AUTS2: variants seen among roughly 807,000 people sequenced by gnomAD.
The protein encoded by AUTS2 is autism susceptibility gene 2 protein.
AUTS2 carries 17 observed loss-of-function variants against 112.4 expected under a neutral mutation model. The ratio of observed to expected loss-of-function variants is 0.15; its 90% CI spans 0.10 to 0.23. The LOEUF (loss-of-function observed/expected upper bound fraction) is 0.23. AUTS2 is among the 10% of genes least tolerant of loss of function. The pLI, the probability that AUTS2 is intolerant of heterozygous loss-of-function variation, is 1.00. For synonymous variants in AUTS2, 751 were observed against 702.7 expected (o/e 1.07, Z -1.09); for missense variants, 1,510 against 1,701.6 (o/e 0.89, Z 1.98).
chr7:69,602,998 C>T (rs1052244941), intron 1 of AUTS2, among the ~76,000 whole-genome samples: 4 of 152,124 alleles, frequency 2.6e-5, no homozygotes, highest in African/African-American at 9.7e-5. Flanking sequence ...GGCAACTAAA[C>T]TATGAGCTTG....
rs139672563 is a variant in AUTS2 at position 70,159,539 on chromosome 7, A to G, written c.660+24968A>G. Among the ~76,000 whole-genome samples the G allele has an allele frequency of 2.6e-3, 402 of 152,290 alleles. 1 individual carries two copies. Among genetic ancestry groups the G allele is most frequent in the African/African-American group, 9.2e-3 (383 of 41,560 alleles). On this transcript the variant is annotated intron_variant, in intron 4 of 18. Transcript: ENST00000342771. ...CAGGAGGACGTATGCAATATAGTAG[A>G]ATTTAGATGTGTTATGATTATATCT...
At chr7:70,751,474 G>A (rs960705634) in intron 6 of AUTS2, among the ~76,000 whole-genome samples, 1 of 152,028 alleles carries the variant, frequency 6.6e-6, no homozygotes, top group African/African-American at 2.4e-5. Flanking sequence ...TCAGTGCCTT[G>A]GTCTCACCCT....
At chr7:70,591,607 T>C (rs533370083) in intron 5 of AUTS2, among the ~76,000 whole-genome samples, 152 of 152,210 alleles carry the variant, frequency 1.0e-3, no homozygotes, top group African/African-American at 3.4e-3. Flanking sequence ...CCATGTTGGC[T>C]AGGCTGGTCT....
intron 1 of AUTS2, among the ~76,000 whole-genome samples, chr7:69,749,068 G>A (rs1425867172): frequency 6.6e-6 from 1 of 152,058 alleles, no homozygotes; most frequent in Non-Finnish European, 1.5e-5. Context: ...TCTATAAATT[G>A]GGAATAATAC....
chr7:69,931,722 A>G (rs1466677059), intron 2 of AUTS2, among the ~76,000 whole-genome samples: 1 of 152,084 alleles, frequency 6.6e-6, no homozygotes, highest in Non-Finnish European at 1.5e-5. Flanking sequence ...GCTTTTCCCC[A>G]TCTGCACTCT....
chr7:69,863,776 G>A (rs2129533243), intron 1 of AUTS2, among the ~76,000 whole-genome samples: 1 of 152,326 alleles, frequency 6.6e-6, no homozygotes, highest in Non-Finnish European at 1.5e-5. Context: ...GGCTGCGTGT[G>A]TGCCCCTCCA....
chr7:69,682,747 T>C (rs1376983427), intron 1 of AUTS2, among the ~76,000 whole-genome samples: 1 of 152,188 alleles, frequency 6.6e-6, no homozygotes. Flanking sequence ...GAAAGACTTA[T>C]TCAGAAACAA....
chr7:70,466,626 C>T (rs1362680367), intron 5 of AUTS2, among the ~76,000 whole-genome samples: 1 of 152,168 alleles, frequency 6.6e-6, no homozygotes, highest in African/African-American at 2.4e-5. Flanking sequence ...TATAGCTATT[C>T]CATGCACATA....
intron 4 of AUTS2, among the ~76,000 whole-genome samples, chr7:70,171,906 G>GGGGA (rs1808716105): frequency 6.9e-6 from 1 of 144,568 alleles, no homozygotes; most frequent in African/African-American, 2.6e-5. Flanking sequence ...TTTTTTTTTT[G>GGGGA]GGGGGGGGTA....
In AUTS2 at chr7:70,791,038, C is replaced by T; in HGVS notation, c.*42C>T. The T allele has an allele frequency of 6.9e-7, 1 of 1,458,234 alleles. No individual in the cohort carries two copies. The highest frequency in any genetic ancestry group is 9.0e-7 in the Non-Finnish European group (1 of 1,109,992). 90.3% of individuals were successfully genotyped at this position (1,458,234 alleles called of 1,614,324 possible). A position where few individuals can be genotyped will look rare whatever the true frequency, so the allele number is the denominator to read the frequency against. On this transcript the variant is annotated 3_prime_UTR_variant, in exon 19 of 19. Transcript: ENST00000342771. ...AGAACGAGGAAGAAGAAACCCTAGG[C>T]AGACACCAGGCCAGGCTTGAGAGAC...
At chr7:69,931,656 T>C (rs563117606) in intron 2 of AUTS2, among the ~76,000 whole-genome samples, 1 of 152,352 alleles carries the variant, frequency 6.6e-6, no homozygotes, top group Non-Finnish European at 1.5e-5. Context: ...CTTCTGTTTT[T>C]GTCATGGCAG....
chr7:69,678,699 A>G (rs1289474773), intron 1 of AUTS2, among the ~76,000 whole-genome samples: 2 of 152,192 alleles, frequency 1.3e-5, no homozygotes. Flanking sequence ...TAGAGCTGTG[A>G]CAGATATATT....
intron 5 of AUTS2, among the ~76,000 whole-genome samples, chr7:70,539,106 C>T (rs984329818): frequency 2.0e-5 from 3 of 152,170 alleles, no homozygotes; most frequent in Non-Finnish European, 4.4e-5. Flanking sequence ...GCCCCTGATG[C>T]TTTGGGCTGG....
At chr7:70,158,803 T>G (rs1807921474) in intron 4 of AUTS2, among the ~76,000 whole-genome samples, 1 of 152,106 alleles carries the variant, frequency 6.6e-6, no homozygotes, top group Non-Finnish European at 1.5e-5. Context: ...TCTTTGTGAT[T>G]TAGCTGGAGG....
chr7:70,382,561 A>G (rs1793418303), intron 4 of AUTS2, among the ~76,000 whole-genome samples: 1 of 152,174 alleles, frequency 6.6e-6, no homozygotes, highest in South Asian at 2.1e-4. Flanking sequence ...CACTACAGGT[A>G]CCTGTACCTA....
rs572004555 is a variant in AUTS2 at position 70,311,809 on chromosome 7, C to T, written c.661-123943C>T. 4.6e-4 allele frequency among the ~76,000 whole-genome samples: 70 copies of T among 152,280 alleles called. No individual in the cohort carries two copies. The South Asian group carries it at 7.0e-3, about 15-fold the overall frequency. The stretch of plus-strand genomic sequence containing the variant: ...TCTGCTCACTGCAAGCTCCGCCTCC[C>T]GGGTTCACACTGTTCTCGTGCCTCA... On this transcript the variant is annotated intron_variant, in intron 4 of 18. Coordinates refer to ENST00000342771, the MANE Select transcript of AUTS2 (RefSeq NM_015570.4).
intron 4 of AUTS2, among the ~76,000 whole-genome samples, chr7:70,166,513 G>A (rs954423316): frequency 3.3e-5 from 5 of 152,138 alleles, no homozygotes; most frequent in Non-Finnish European, 7.4e-5. Context: ...CTGTTGTAAG[G>A]TTTCTGTACA....
chr7:69,609,564 G>A (rs1792915886), intron 1 of AUTS2, among the ~76,000 whole-genome samples: 1 of 152,178 alleles, frequency 6.6e-6, no homozygotes, highest in Admixed American at 6.5e-5. Context: ...TGACCTTAAT[G>A]TGGCCCATGT....
chr7:70,410,539 TCTGCCTCCAGAG>T (rs1794730947), intron 4 of AUTS2, among the ~76,000 whole-genome samples: 1 of 151,740 alleles, frequency 6.6e-6, no homozygotes, highest in African/African-American at 2.4e-5. Flanking sequence ...GCCTCCCACA[TCTGCCTCCAGAG>T]TAGCTGAAAC....
Sources: gnomAD v4.1 joint callset for allele counts (sites outside exome capture counted in the v4.1 genomes callset) on GRCh38, gnomAD v4.1.1 for gene constraint, MANE v1.5 for transcripts, NCBI Gene and HGNC (gene_info 2026-07-23, HGNC 2026-07-21) for gene names.